CACHD1: variants seen among roughly 807,000 people sequenced by gnomAD.
The protein encoded by CACHD1 is VWFA and cache domain-containing protein 1.
A neutral mutation model predicts 138.7 loss-of-function variants in CACHD1; 71 were observed. That is an observed-to-expected ratio of 0.51 (90% CI 0.42 to 0.62). CACHD1 has a LOEUF of 0.62. CACHD1 is among the 20% of genes least tolerant of loss of function. The pLI, the probability that CACHD1 is intolerant of heterozygous loss-of-function variation, is 0.00. For missense variants in CACHD1, 1,389 were observed against 1,625.3 expected (o/e 0.85, Z 2.50); for synonymous variants, 578 against 591.5 (o/e 0.98, Z 0.33).
At chr1:64,600,129 C>A (rs372175822) in intron 3 of CACHD1, among the ~76,000 whole-genome samples, 18 of 152,096 alleles carry the variant, frequency 1.2e-4, no homozygotes, top group African/African-American at 4.3e-4. Context: ...ACTTGGAGAG[C>A]AAAGTCCAGA....
chr1:64,691,438 C>G lies in CACHD1; in HGVS notation c.3702C>G (p.Pro1234=), dbSNP rs777126119. The change falls in exon 27 of 27, where the codon CCC becomes CCG. Residue 1234 remains proline, a synonymous_variant. Coordinates refer to ENST00000651257, the MANE Select transcript of CACHD1 (RefSeq NM_020925.4). ...ATGAGGACTTAGACCTGGATACCCC[C>G]CCTCAGACTGCTGCCCTACTAAGTC... ...NHDEDLDLDT[P]PQTAALLSHK... The G allele has an allele frequency of 5.6e-6, 9 of 1,614,014 alleles. No homozygotes were observed. Among genetic ancestry groups the G allele is most frequent in the Middle Eastern group, 1.6e-4 (1 of 6,084 alleles).
chr1:64,683,142 A>G (rs934620547), intron 26 of CACHD1, among the ~76,000 whole-genome samples: 2 of 152,232 alleles, frequency 1.3e-5, no homozygotes, highest in Admixed American at 1.3e-4. Flanking sequence ...CAGGTCTTCA[A>G]ACTCCCTTTG....
intron 3 of CACHD1, among the ~76,000 whole-genome samples, chr1:64,585,709 A>G (rs1259130891): frequency 6.6e-6 from 1 of 152,236 alleles, no homozygotes; most frequent in African/African-American, 2.4e-5. Context: ...ATACCTGACA[A>G]CAGAGAGATC....
chr1:64,671,635 T>C lies in CACHD1; in HGVS notation c.2459T>C (p.Val820Ala), dbSNP rs1031563959. The change falls in exon 17 of 27, where the codon GTT becomes GCT. Residue 820 changes from valine (V) to alanine (A), a missense_variant. Around this residue, in one of 5 missense-constraint regions of CACHD1, gnomAD observed 1,000 missense variants for 1,114.7 expected, o/e 0.90. Transcript: ENST00000651257. ...TTCACACTCAGATACTTCTACAAAG[T>C]TCTGATGGACCTATTACCTGTCTGT... ...IDFTLRYFYK[V>A]LMDLLPVCNQ... The C allele has an allele frequency of 4.8e-5, 77 of 1,613,798 alleles. No homozygotes were observed. Among genetic ancestry groups the C allele is most frequent in the Non-Finnish European group, 6.4e-5 (76 of 1,179,840 alleles).
intron 16 of CACHD1, 73 bp from the exon 17 acceptor site, chr1:64,671,491 C>A: frequency 6.6e-7 from 1 of 1,514,810 alleles, no homozygotes; most frequent in Non-Finnish European, 9.2e-7. Context: ...AAACAATGTC[C>A]CTGTGACTGA....
rs570835452 is a variant in CACHD1, at chr1:64,641,256, G to T, written c.1007-564G>T. 1.1e-3 allele frequency among the ~76,000 whole-genome samples: 6 copies of T among 5,422 alleles called. No individual in the cohort carries two copies. In the South Asian group the frequency reaches 0.3, roughly 271 times the overall value. 3.6% of individuals were successfully genotyped at this position (5,422 alleles called of 152,430 possible). ...CCAGACACAGCTTGTAAGTAGCAGA[G>T]CTGGGCTTTGAACACAGTTACCTGG... is the stretch of plus-strand genomic sequence containing the variant. On this transcript the variant is annotated intron_variant, in intron 7 of 26. Transcript: ENST00000651257.
chr1:64,554,935 A>G (rs1215232014), intron 2 of CACHD1, among the ~76,000 whole-genome samples: 1 of 152,148 alleles, frequency 6.6e-6, no homozygotes, highest in Non-Finnish European at 1.5e-5. Context: ...ATGATTCGTA[A>G]ATAAGTCCTT....
In CACHD1 at chr1:64,641,915, GA is replaced by G; in HGVS notation, c.1106del (p.Asn369IlefsTer4). The G allele has an allele frequency of 6.2e-7, 1 of 1,606,862 alleles. No individual in the cohort carries two copies. Among genetic ancestry groups the G allele is most frequent in the South Asian group, 1.1e-5 (1 of 89,502 alleles). On this transcript the variant is annotated frameshift_variant, in exon 8 of 27. Coordinates refer to ENST00000651257, the MANE Select transcript of CACHD1 (RefSeq NM_020925.4). LOFTEE classifies it high-confidence loss of function. ...AGCGACTCTCCAAGTCATCAATGAA[GA>G]AAATAGCTTTCTAAACAACTCTGTA... ...KKATLQVINE[E>X]NSFLNNSVMI...
chr1:64,600,492 C>T (rs1647201600), intron 3 of CACHD1, among the ~76,000 whole-genome samples: 1 of 152,160 alleles, frequency 6.6e-6, no homozygotes, highest in African/African-American at 2.4e-5. Flanking sequence ...CCTCACTTGC[C>T]AAGATTTCTT....
At chr1:64,673,278 C>A in intron 18 of CACHD1, 21 bp downstream of exon 18, 1 of 1,613,454 alleles carries the variant, frequency 6.2e-7, no homozygotes, top group East Asian at 2.2e-5. Flanking sequence ...CAAAGCTGAG[C>A]TGCTCAGTTC....
At chr1:64,591,521 A>G (rs1647106233) in intron 3 of CACHD1, among the ~76,000 whole-genome samples, 2 of 152,208 alleles carry the variant, frequency 1.3e-5, no homozygotes, top group Non-Finnish European at 1.5e-5. Context: ...GTAAAGAACA[A>G]TGTCTATCTT....
chr1:64,607,580 T>A (rs1175385381), intron 4 of CACHD1, among the ~76,000 whole-genome samples: 1 of 152,172 alleles, frequency 6.6e-6, no homozygotes, highest in East Asian at 1.9e-4. Flanking sequence ...TATACTCAGT[T>A]TATGTGCCAA....
At chr1:64,480,253 C>T (rs1335560138) in intron 1 of CACHD1, among the ~76,000 whole-genome samples, 1 of 152,116 alleles carries the variant, frequency 6.6e-6, no homozygotes, top group Admixed American at 6.5e-5. Flanking sequence ...AAACTGAGGC[C>T]CAGCGAGGAA....
At chr1:64,640,689 A>G (rs1648677863) in intron 7 of CACHD1, among the ~76,000 whole-genome samples, 1 of 30,290 alleles carries the variant, frequency 3.3e-5, no homozygotes, top group African/African-American at 1.2e-4. Flanking sequence ...ATATATATAT[A>G]CAGACACACA....
intron 4 of CACHD1, among the ~76,000 whole-genome samples, chr1:64,610,896 A>T (rs1405884446): frequency 6.6e-6 from 1 of 152,242 alleles, no homozygotes; most frequent in African/African-American, 2.4e-5. Flanking sequence ...CCCCTACAGC[A>T]AACTTCTGCC....
rs958493447 is a variant in CACHD1 at position 64,519,357 on chromosome 1, G to A, written c.199-31237G>A. ...CACAGCCCAGGACTGCTGCAAGGGA[G>A]AGGCACAACAGATACCATAAGGAGG... On this transcript the variant is annotated intron_variant, in intron 1 of 26. Coordinates refer to ENST00000651257, the MANE Select transcript of CACHD1 (RefSeq NM_020925.4). Among the ~76,000 whole-genome samples, 16 of 152,298 alleles carry A rather than the reference G, an allele frequency of 1.1e-4. 6 individuals carry two copies.
intron 26 of CACHD1, among the ~76,000 whole-genome samples, chr1:64,687,708 G>A (rs1170866193): frequency 6.6e-6 from 1 of 152,128 alleles, no homozygotes; most frequent in Non-Finnish European, 1.5e-5. Context: ...GATGAGACTA[G>A]TGAATGTTGT....
intron 16 of CACHD1, among the ~76,000 whole-genome samples, chr1:64,667,716 G>A (rs938314566): frequency 6.6e-6 from 1 of 152,170 alleles, no homozygotes; most frequent in African/African-American, 2.4e-5. Context: ...AATGAAATGG[G>A]CCAGAACTGG....
At chr1:64,577,588 C>A (rs1646978519) in intron 2 of CACHD1, among the ~76,000 whole-genome samples, 1 of 152,122 alleles carries the variant, frequency 6.6e-6, no homozygotes, top group South Asian at 2.1e-4. Context: ...GCAAATTACC[C>A]CTTAGTGTCT....
Sources: allele counts gnomAD v4.1 joint callset (sites outside exome capture counted in the v4.1 genomes callset), GRCh38; gene constraint gnomAD v4.1.1; regional missense constraint gnomAD v4.1.1; transcripts MANE v1.5; gene names NCBI Gene and HGNC (gene_info 2026-07-23, HGNC 2026-07-21).